Variants in NTNG1 observed in about 807,000 individuals in gnomAD.
The protein encoded by NTNG1 is netrin-G1.
NTNG1 carries 16 observed loss-of-function variants against 54.0 expected under a neutral mutation model. The observed-to-expected ratio is 0.30, with a 90% CI of 0.20 to 0.45. NTNG1 has a LOEUF of 0.45. Among genes scored for constraint, NTNG1 ranks in the 20% least tolerant of loss-of-function variants. NTNG1 has a pLI of 1.00. For synonymous variants in NTNG1, 255 were observed against 263.1 expected (o/e 0.97, Z 0.30); for missense variants, 530 against 678.7 (o/e 0.78, Z 2.43).
intron 2 of NTNG1, among the ~76,000 whole-genome samples, chr1:107,189,604 G>A (rs1192893372): frequency 6.6e-6 from 1 of 151,822 alleles, no homozygotes; most frequent in African/African-American, 2.4e-5. Flanking sequence ...GGTTCATATA[G>A]GTAGGTTATA....
At chr1:107,421,539 C>G (rs916795584) in intron 5 of NTNG1, among the ~76,000 whole-genome samples, 1 of 151,946 alleles carries the variant, frequency 6.6e-6, no homozygotes, top group Non-Finnish European at 1.5e-5. Context: ...TGTATGGTGC[C>G]CATTTCACTT....
intron 4 of NTNG1, among the ~76,000 whole-genome samples, chr1:107,405,740 T>G (rs1342544533): frequency 1.3e-5 from 2 of 152,120 alleles, no homozygotes; most frequent in Non-Finnish European, 2.9e-5. Context: ...TTCTCTTTGA[T>G]GGATTACAAC....
At position 107,457,802 on chromosome 1, in the gene NTNG1, G is replaced by T. The variant is rs559753397; in HGVS notation, c.1390+21003G>T. 2.2e-4 allele frequency among the ~76,000 whole-genome samples: 34 copies of T among 152,178 alleles called. 1 individual carries two copies. In the South Asian group the frequency reaches 7.0e-3, roughly 32 times the overall value. On this transcript the variant is annotated intron_variant, in intron 7 of 7. Transcript: ENST00000370068. Reference sequence around the variant, plus strand: ...GCCTCCTAATGTATTAGAAAATTATGAATCTAATACTTTGCCGTAACATCT... The same window carrying T: ...GCCTCCTAATGTATTAGAAAATTATTAATCTAATACTTTGCCGTAACATCT...
chr1:107,155,637 T>C (rs1293016481), intron 2 of NTNG1, among the ~76,000 whole-genome samples: 2 of 152,178 alleles, frequency 1.3e-5, no homozygotes, highest in African/African-American at 4.8e-5. Context: ...TGGGATGATA[T>C]GTGAGAGAGC....
chr1:107,302,878 T>C (rs982233215), intron 2 of NTNG1, among the ~76,000 whole-genome samples: 9 of 152,212 alleles, frequency 5.9e-5, no homozygotes, highest in Admixed American at 4.6e-4. Context: ...GCTACAATAG[T>C]AAAATATGGT....
At chr1:107,442,344 A>G (rs1676016124) in intron 7 of NTNG1, among the ~76,000 whole-genome samples, 1 of 152,144 alleles carries the variant, frequency 6.6e-6, no homozygotes, top group African/African-American at 2.4e-5. Flanking sequence ...GGGTGTTCAC[A>G]TATGCACATA....
chr1:107,226,215 C>G (rs959748337), intron 2 of NTNG1, among the ~76,000 whole-genome samples: 5 of 152,040 alleles, frequency 3.3e-5, no homozygotes, highest in Non-Finnish European at 7.4e-5. Flanking sequence ...ACAACAGAAC[C>G]CCCATGATGT....
chr1:107,325,011 A>G (rs1033968288), intron 3 of NTNG1, 89 bp downstream of exon 3: 43 of 1,320,148 alleles, frequency 3.3e-5, no homozygotes, highest in Non-Finnish European at 4.4e-5. Flanking sequence ...GACATTTGTC[A>G]ATTTCTACTG....
intron 5 of NTNG1, among the ~76,000 whole-genome samples, chr1:107,412,405 C>T (rs1395292471): frequency 6.6e-6 from 1 of 152,170 alleles, no homozygotes; most frequent in Admixed American, 6.6e-5. Context: ...AATGGTGAAT[C>T]TGAGGTTTAG....
chr1:107,242,668 T>C (rs1661922719), intron 2 of NTNG1, among the ~76,000 whole-genome samples: 1 of 152,328 alleles, frequency 6.6e-6, no homozygotes, highest in South Asian at 2.1e-4. Flanking sequence ...GTAGTTGCTG[T>C]ATTTTTATAT....
intron 3 of NTNG1, among the ~76,000 whole-genome samples, chr1:107,357,674 A>G (rs1670015539): frequency 6.6e-6 from 1 of 152,078 alleles, no homozygotes; most frequent in Non-Finnish European, 1.5e-5. Context: ...GGAACTGGAA[A>G]AAAATTATTT....
chr1:107,300,852 TTC>T (rs1666272718), intron 2 of NTNG1, among the ~76,000 whole-genome samples: 1 of 152,200 alleles, frequency 6.6e-6, no homozygotes, highest in Non-Finnish European at 1.5e-5. Flanking sequence ...GTTAATAATA[TTC>T]ACGAGAATCC....
At chr1:107,156,277 C>CA (rs1654990479) in intron 2 of NTNG1, among the ~76,000 whole-genome samples, 1 of 152,154 alleles carries the variant, frequency 6.6e-6, no homozygotes, top group Non-Finnish European at 1.5e-5. Flanking sequence ...ATTGTAGAGG[C>CA]AAAATCTACT....
At chr1:107,450,371 A>G (rs578547) in intron 7 of NTNG1, among the ~76,000 whole-genome samples, 145,843 of 152,138 alleles carry the variant, frequency 0.96, 70,212 homozygotes, top group East Asian at 1. Context: ...ATCACTATCC[A>G]TGAGAATTAA....
At chr1:107,201,816 A>G (rs1253998145) in intron 2 of NTNG1, among the ~76,000 whole-genome samples, 1 of 151,866 alleles carries the variant, frequency 6.6e-6, no homozygotes, top group Non-Finnish European at 1.5e-5. Flanking sequence ...GCCTGTTCCC[A>G]TTTCCTTAAC....
At chr1:107,472,733 G>T (rs560588624) in intron 7 of NTNG1, among the ~76,000 whole-genome samples, 182 of 151,676 alleles carry the variant, frequency 1.2e-3, no homozygotes, top group African/African-American at 2.2e-3. Context: ...GTTTTTTTTT[G>T]TTTTGTTTTG....
intron 2 of NTNG1, among the ~76,000 whole-genome samples, chr1:107,211,836 A>G (rs890463763): frequency 6.6e-6 from 1 of 152,212 alleles, no homozygotes; most frequent in African/African-American, 2.4e-5. Context: ...TAATGAAAGT[A>G]CAATCAAGCA....
intron 3 of NTNG1, among the ~76,000 whole-genome samples, chr1:107,388,025 C>A (rs1405977603): frequency 6.6e-6 from 1 of 152,098 alleles, no homozygotes; most frequent in Non-Finnish European, 1.5e-5. Context: ...TGTTTATAGT[C>A]TGTAGTTATT....
At chr1:107,445,939 C>T (rs1052713477) in intron 7 of NTNG1, among the ~76,000 whole-genome samples, 1 of 152,018 alleles carries the variant, frequency 6.6e-6, no homozygotes, top group Non-Finnish European at 1.5e-5. Flanking sequence ...AAGGTAAAAA[C>T]CATTCTTAGT....
Sources: allele counts gnomAD v4.1 joint callset (sites outside exome capture counted in the v4.1 genomes callset), GRCh38; gene constraint gnomAD v4.1.1; transcripts MANE v1.5; gene names NCBI Gene and HGNC (gene_info 2026-07-23, HGNC 2026-07-21).